The following MEI4 variants were observed in gnomAD, a reference collection of about 807,000 sequenced individuals.
MEI4 encodes the protein meiotic double-stranded break formation protein 4.
MEI4 carries 27 observed loss-of-function variants against 31.4 expected under a neutral mutation model. The observed-to-expected ratio is 0.86, with a 90% CI of 0.63 to 1.19. The LOEUF (loss-of-function observed/expected upper bound fraction) is 1.19. Ranked by LOEUF, MEI4 falls within the 50% of genes most tolerant of loss-of-function variation. The probability of loss-of-function intolerance (pLI) is 0.00; values close to 1 mark genes in which losing one functional copy is unlikely to be tolerated. For synonymous variants in MEI4, 122 were observed against 145.4 expected (o/e 0.84, Z 1.16); for missense variants, 329 against 398.9 (o/e 0.82, Z 1.49).
At chr6:77,766,866 G>C (rs896887131) in intron 3 of MEI4, among the ~76,000 whole-genome samples, 3 of 152,082 alleles carry the variant, frequency 2.0e-5, no homozygotes, top group African/African-American at 7.2e-5. Context: ...AGTGTTTGTT[G>C]TATGTTTCTC....
chr6:77,870,632 A>T (rs895597695), intron 4 of MEI4, among the ~76,000 whole-genome samples: 5 of 152,206 alleles, frequency 3.3e-5, no homozygotes, highest in African/African-American at 1.2e-4. Flanking sequence ...GAGAGAACAT[A>T]TAATTACATG....
chr6:77,712,700 G>A lies in MEI4; in HGVS notation c.232+21797G>A, dbSNP rs142281255. On this transcript the variant is annotated intron_variant, in intron 2 of 4. Transcript: ENST00000684080. The stretch of plus-strand genomic sequence containing the variant: ...GGAACAACAAAAGGAGGCCGGGTGC[G>A]GTGGCTCATGCCTGTAATCCCAGCA... Among the ~76,000 whole-genome samples the A allele has an allele frequency of 1.3e-4, 20 of 152,258 alleles. No homozygotes were observed. The East Asian group carries it at 2.3e-3, about 18-fold the overall frequency.
intron 4 of MEI4, among the ~76,000 whole-genome samples, chr6:77,835,321 T>C (rs1195224713): frequency 7.0e-6 from 1 of 143,594 alleles, no homozygotes; most frequent in African/African-American, 2.6e-5. Flanking sequence ...GACTGCACCA[T>C]TGCACTCCAG....
chr6:77,797,788 C>T (rs943977430), intron 3 of MEI4, among the ~76,000 whole-genome samples: 1 of 152,118 alleles, frequency 6.6e-6, no homozygotes, highest in African/African-American at 2.4e-5. Flanking sequence ...GGATGGTGCC[C>T]ACCCACGTTG....
chr6:77,808,717 G>A (rs1437868151), intron 3 of MEI4, among the ~76,000 whole-genome samples: 1 of 152,158 alleles, frequency 6.6e-6, no homozygotes, highest in Non-Finnish European at 1.5e-5. Flanking sequence ...TCTGAGATGT[G>A]TAATGTGAAG....
chr6:77,698,795 C>G (rs1301704540), intron 2 of MEI4, among the ~76,000 whole-genome samples: 1 of 152,110 alleles, frequency 6.6e-6, no homozygotes, highest in Non-Finnish European at 1.5e-5. Flanking sequence ...TCTGTATTTC[C>G]TGAATCTGAA....
intron 4 of MEI4, among the ~76,000 whole-genome samples, chr6:77,859,852 C>G (rs1770827877): frequency 6.6e-6 from 1 of 152,140 alleles, no homozygotes; most frequent in African/African-American, 2.4e-5. Flanking sequence ...CACCTGGGCA[C>G]CAGTAGCAGA....
At chr6:77,747,550 C>T (rs370608751) in intron 2 of MEI4, among the ~76,000 whole-genome samples, 2 of 152,034 alleles carry the variant, frequency 1.3e-5, no homozygotes, top group Non-Finnish European at 2.9e-5. Flanking sequence ...GTCATGAGAA[C>T]AGCTTAGGGG....
rs1439432382 is a variant in MEI4 at position 77,690,729 on chromosome 6, A to C, written c.58A>C (p.Ile20Leu). The C allele has an allele frequency of 2.4e-6, 3 of 1,231,522 alleles. No individual in the cohort carries two copies. The highest frequency in any genetic ancestry group is 3.0e-6 in the Non-Finnish European group (3 of 987,456). The allele number at this position is 1,231,522 out of a possible 1,614,324, so 76.3% of individuals were successfully genotyped here. A position where few individuals can be genotyped will look rare whatever the true frequency, so the allele number is the denominator to read the frequency against. Reference protein sequence around the residue: ...TSKLALALAIIRSKPADKSSR... With the variant: ...TSKLALALAILRSKPADKSSR... Reference sequence around the variant, plus strand: ...AAAGCTGGCTCTGGCCTTGGCAATTATCCGCTCAAAACCAGCAGACAAAAG... The same window carrying C: ...AAAGCTGGCTCTGGCCTTGGCAATTCTCCGCTCAAAACCAGCAGACAAAAG... The change falls in exon 2 of 5, where the codon ATC becomes CTC. Residue 20 changes from isoleucine to leucine, a missense_variant. Physicochemically the swap from Ile to Leu is conservative, Grantham distance 5 (BLOSUM62 2). Coordinates refer to ENST00000684080, the MANE Select transcript of MEI4 (RefSeq NM_001322247.2).
At chr6:77,879,747 C>G (rs76639331) in intron 4 of MEI4, among the ~76,000 whole-genome samples, 1,572 of 152,250 alleles carry the variant, frequency 0.01, 27 homozygotes, top group African/African-American at 0.035. Flanking sequence ...ACAAGGAGAA[C>G]ATGCCATGTT....
intron 3 of MEI4, among the ~76,000 whole-genome samples, chr6:77,817,977 C>T (rs1229753333): frequency 1.3e-5 from 2 of 152,170 alleles, no homozygotes; most frequent in Non-Finnish European, 1.5e-5. Flanking sequence ...TGAGCTGCAT[C>T]GCTCATATAC....
chr6:77,748,695 A>G (rs1024199867), intron 2 of MEI4, among the ~76,000 whole-genome samples: 1 of 152,246 alleles, frequency 6.6e-6, no homozygotes, highest in Non-Finnish European at 1.5e-5. Context: ...ATTTCTCCCA[A>G]GAAAATAGGT....
At chr6:77,801,648 C>T (rs62415496) in intron 3 of MEI4, among the ~76,000 whole-genome samples, 25,706 of 152,098 alleles carry the variant, frequency 0.17, 2,765 homozygotes, top group Non-Finnish European at 0.23. Context: ...TCCCTCTACA[C>T]GCTGCTTTGA....
intron 1 of MEI4, among the ~76,000 whole-genome samples, chr6:77,678,507 A>G (rs927790959): frequency 2.0e-5 from 2 of 97,760 alleles, no homozygotes; most frequent in African/African-American, 8.6e-5. Flanking sequence ...TCATAAGATT[A>G]TAATGAAGCT....
rs142309387 is a variant in MEI4, at chr6:77,794,289, C to T, written c.768+32624C>T. Reference sequence around the variant, plus strand: ...TTTAATAATCTAACATCAGGCCAGGCGCGGTGGCTGAAGCCTGTAATCCCA... The same window carrying T: ...TTTAATAATCTAACATCAGGCCAGGTGCGGTGGCTGAAGCCTGTAATCCCA... On this transcript the variant is annotated intron_variant, in intron 3 of 4. Coordinates refer to ENST00000684080, the MANE Select transcript of MEI4 (RefSeq NM_001322247.2). Among the ~76,000 whole-genome samples the T allele has an allele frequency of 6.3e-3, 964 of 152,250 alleles. 9 individuals carry two copies. Among genetic ancestry groups the T allele is most frequent in the South Asian group, 0.022 (104 of 4,820 alleles).
At chr6:77,723,310 G>A (rs2127664286) in intron 2 of MEI4, among the ~76,000 whole-genome samples, 1 of 137,234 alleles carries the variant, frequency 7.3e-6, no homozygotes. Flanking sequence ...TTGTATTGTG[G>A]TAACTGGCTT....
In MEI4 at chr6:77,899,535, G is replaced by A. The variant is rs74862484; in HGVS notation, c.901-23554G>A. 9.4e-3 allele frequency among the ~76,000 whole-genome samples: 1,428 copies of A among 152,064 alleles called. 16 individuals are homozygous for A. The highest frequency in any genetic ancestry group is 0.032 in the African/African-American group (1,327 of 41,518). Reference sequence around the variant, plus strand: ...TACACAGCCATCCTGCTTCAGTATCGAGGCTCATTCAGCTGCCTGGAGAAT... The same window carrying A: ...TACACAGCCATCCTGCTTCAGTATCAAGGCTCATTCAGCTGCCTGGAGAAT... On this transcript the variant is annotated intron_variant, in intron 4 of 4. Transcript: ENST00000684080.
intron 4 of MEI4, among the ~76,000 whole-genome samples, chr6:77,840,544 C>T (rs1289974730): frequency 6.6e-6 from 1 of 152,142 alleles, no homozygotes; most frequent in African/African-American, 2.4e-5. Context: ...CACCCAAACA[C>T]ATCATCATAA....
chr6:77,700,689 C>T (rs561492552), intron 2 of MEI4, among the ~76,000 whole-genome samples: 20 of 152,294 alleles, frequency 1.3e-4, no homozygotes, highest in South Asian at 8.3e-4. Context: ...GTGTCGCTCA[C>T]GCTGGGAGCT....
Sources: gnomAD v4.1 joint callset for allele counts (sites outside exome capture counted in the v4.1 genomes callset) on GRCh38, gnomAD v4.1.1 for gene constraint, MANE v1.5 for transcripts, NCBI Gene and HGNC (gene_info 2026-07-23, HGNC 2026-07-21) for gene names.